Variants in EFCAB11 observed in about 807,000 individuals in gnomAD.
The protein encoded by EFCAB11 is EF-hand calcium binding domain 11, also known as EF-hand calcium-binding domain-containing protein 11.
Under a neutral mutation model 23.0 loss-of-function variants are expected in EFCAB11, and 14 were observed. That is an observed-to-expected ratio of 0.61 (90% CI 0.40 to 0.95). The LOEUF (loss-of-function observed/expected upper bound fraction) is 0.95, where lower values mean the gene tolerates loss of function less well. Among genes scored for constraint, EFCAB11 ranks in the 40% least tolerant of loss-of-function variants. The pLI is 0.00. For missense variants in EFCAB11, 198 were observed against 195.8 expected (o/e 1.01, Z -0.07); for synonymous variants, 65 against 66.6 (o/e 0.98, Z 0.11).
chr14:89,880,160 G>A (rs1888557671), intron 5 of EFCAB11, among the ~76,000 whole-genome samples: 1 of 152,148 alleles, frequency 6.6e-6, no homozygotes, highest in Non-Finnish European at 1.5e-5. Context: ...CAATGTGATG[G>A]TATTAGAAGG....
chr14:89,932,715 C>T (rs1370028287), intron 3 of EFCAB11, 88 bp from the exon 4 acceptor site: 2 of 966,972 alleles, frequency 2.1e-6, no homozygotes, highest in African/African-American at 1.7e-5. Context: ...TAATAAATCT[C>T]ACCAATAATC....
intron 5 of EFCAB11, among the ~76,000 whole-genome samples, chr14:89,805,250 C>G (rs907713368): frequency 6.6e-6 from 1 of 152,186 alleles, no homozygotes; most frequent in Non-Finnish European, 1.5e-5. Context: ...TGTGGGGGAA[C>G]AGACCCCCAC....
At chr14:89,933,316 A>C (rs1344500014) in intron 3 of EFCAB11, among the ~76,000 whole-genome samples, 1 of 152,220 alleles carries the variant, frequency 6.6e-6, no homozygotes, top group Non-Finnish European at 1.5e-5. Flanking sequence ...TAGTAGGTTT[A>C]AAGAGCGAAG....
At chr14:89,852,853 T>C (rs1337613970) in intron 5 of EFCAB11, among the ~76,000 whole-genome samples, 2 of 152,202 alleles carry the variant, frequency 1.3e-5, no homozygotes, top group East Asian at 1.9e-4. Flanking sequence ...ACCCATCTCC[T>C]GTCCCCTGTC....
At chr14:89,946,818 T>C (rs1054747093) in intron 3 of EFCAB11, among the ~76,000 whole-genome samples, 3 of 149,922 alleles carry the variant, frequency 2.0e-5, no homozygotes, top group African/African-American at 7.4e-5. Context: ...CATCAAGCAA[T>C]CCTCCTGCCT....
chr14:89,817,732 G>A (rs1251760034), intron 5 of EFCAB11, among the ~76,000 whole-genome samples: 2 of 152,034 alleles, frequency 1.3e-5, no homozygotes, highest in African/African-American at 4.8e-5. Context: ...GGTGGCTCAC[G>A]CTTGTAATCC....
intron 5 of EFCAB11, among the ~76,000 whole-genome samples, chr14:89,883,080 G>A (rs191763097): frequency 6.6e-6 from 1 of 152,116 alleles, no homozygotes; most frequent in East Asian, 1.9e-4. Context: ...GAAGAAATCT[G>A]AGGCCTCACC....
chr14:89,925,699 G>A (rs987948222), intron 5 of EFCAB11, among the ~76,000 whole-genome samples: 7 of 147,572 alleles, frequency 4.7e-5, no homozygotes, highest in African/African-American at 1.8e-4. Flanking sequence ...AGGCTGGAGT[G>A]CAATGGCGCA....
chr14:89,954,428 C>G (rs1348560529), intron 1 of EFCAB11, 158 bp downstream of exon 1: 1 of 1,536,564 alleles, frequency 6.5e-7, no homozygotes, highest in Non-Finnish European at 8.7e-7. Flanking sequence ...GAGCCAGGAG[C>G]CCTGCAGCTC....
chr14:89,920,864 AGAC>A (rs1212183424), intron 5 of EFCAB11, among the ~76,000 whole-genome samples: 1 of 152,160 alleles, frequency 6.6e-6, no homozygotes, highest in African/African-American at 2.4e-5. Flanking sequence ...CAGGGGTTTG[AGAC>A]CGGCCTGGCC....
rs1456830558 is a variant in EFCAB11, at chr14:89,954,631, C to T, written c.30G>A (p.Ser10=). The T allele has an allele frequency of 4.3e-6, 7 of 1,613,334 alleles. No homozygotes were observed. Among genetic ancestry groups the T allele is most frequent in the Middle Eastern group, 1.6e-4 (1 of 6,084 alleles). Residue 10 remains serine, a synonymous_variant, in exon 1 of 6, where the codon TCG becomes TCA. Transcript: ENST00000316738. The part of the protein sequence containing the change: MFFSEARAR[S]RTWEASPSEH... The stretch of plus-strand genomic sequence containing the variant: ...CCGAGGGACTGGCTTCCCACGTCCG[C>T]GACCTGGCTCTGGCCTCGGAGAAGA...
intron 5 of EFCAB11, among the ~76,000 whole-genome samples, chr14:89,850,040 T>C (rs956897604): frequency 1.3e-5 from 2 of 152,154 alleles, no homozygotes; most frequent in African/African-American, 4.8e-5. Flanking sequence ...TCTACCTAGA[T>C]CTTGGCATCT....
intron 5 of EFCAB11, among the ~76,000 whole-genome samples, chr14:89,851,392 C>T (rs1260068751): frequency 2.6e-5 from 4 of 152,156 alleles, no homozygotes; most frequent in Non-Finnish European, 2.9e-5. Context: ...CTTCAGCTCC[C>T]AGTTCACAAA....
rs138476246 is a variant in EFCAB11 at position 89,815,453 on chromosome 14, A to C, written c.411-18129T>G. ...ATCCTTTTTTTTTTTCCAAGACGGAATCTTGTTCTGTCGCCCAGGCTGGAG... is the reference window on the plus strand; with the variant it reads ...ATCCTTTTTTTTTTTCCAAGACGGACTCTTGTTCTGTCGCCCAGGCTGGAG... On this transcript the variant is annotated intron_variant, in intron 5 of 5. Transcript: ENST00000316738. Among the ~76,000 whole-genome samples the C allele has an allele frequency of 3.1e-3, 477 of 151,942 alleles. 1 individual carries two copies. The highest frequency in any genetic ancestry group is 0.011 in the African/African-American group (457 of 41,448).
intron 5 of EFCAB11, among the ~76,000 whole-genome samples, chr14:89,850,093 C>T (rs781685881): frequency 1.2e-4 from 18 of 152,126 alleles, no homozygotes; most frequent in Non-Finnish European, 2.2e-4. Flanking sequence ...TACTAGACTA[C>T]CCCCTGCCTC....
intron 5 of EFCAB11, among the ~76,000 whole-genome samples, chr14:89,819,003 C>T (rs1233589555): frequency 6.6e-6 from 1 of 152,178 alleles, no homozygotes; most frequent in Non-Finnish European, 1.5e-5. Context: ...ACCACACGGT[C>T]CAGCCATTCC....
chr14:89,952,003 A>C (rs970575767), intron 2 of EFCAB11, among the ~76,000 whole-genome samples: 1 of 152,228 alleles, frequency 6.6e-6, no homozygotes, highest in African/African-American at 2.4e-5. Flanking sequence ...TTATTGCTTC[A>C]TGACCTGCAG....
intron 5 of EFCAB11, among the ~76,000 whole-genome samples, chr14:89,878,411 C>T (rs1203289359): frequency 2.0e-5 from 3 of 152,052 alleles, no homozygotes; most frequent in Non-Finnish European, 2.9e-5. Context: ...ACAAACAGGT[C>T]AGATGCTACC....
intron 5 of EFCAB11, among the ~76,000 whole-genome samples, chr14:89,929,061 T>TATATATATATATATATATA (rs1890298898): frequency 6.9e-6 from 1 of 145,534 alleles, no homozygotes; most frequent in South Asian, 2.2e-4. Flanking sequence ...ACACATATTT[T>TATATATATATATATATATA]TTTTTAGGAG....
Sources: allele counts gnomAD v4.1 joint callset (sites outside exome capture counted in the v4.1 genomes callset), GRCh38; gene constraint gnomAD v4.1.1; transcripts MANE v1.5; gene names NCBI Gene and HGNC (gene_info 2026-07-23, HGNC 2026-07-21).